The following FGF1 variants were observed in gnomAD, a reference collection of about 807,000 sequenced individuals.
The protein encoded by FGF1 is fibroblast growth factor 1.
Under a neutral mutation model 13.4 loss-of-function variants are expected in FGF1, and 9 were observed. The observed-to-expected ratio is 0.67, with a 90% CI of 0.40 to 1.17. The LOEUF (loss-of-function observed/expected upper bound fraction) is 1.17. FGF1 is among the 50% of genes most tolerant of loss of function. FGF1 has a pLI of 0.01. For synonymous variants in FGF1, 93 were observed against 79.0 expected (o/e 1.18, Z -0.94); for missense variants, 156 against 192.7 (o/e 0.81, Z 1.13).
rs200073265 is a variant in FGF1 at position 142,614,002 on chromosome 5, C to A, written c.126G>T (p.Pro42=). The A allele has an allele frequency of 1.2e-6, 2 of 1,614,100 alleles. No individual in the cohort carries two copies. The highest frequency in any genetic ancestry group is 4.5e-5 in the East Asian group (2 of 44,872). The change falls in exon 2 of 4, where the codon CCG becomes CCT. Residue 42 remains proline (P), a synonymous_variant. Transcript: ENST00000337706. ...CCCTTGTCCCATCCACTGTGCCATC[C>A]GGAAGGATCCTCAGGAAGTGGCCCC... ...SNGGHFLRIL[P]DGTVDGTRDR... is the part of the protein sequence containing the mutation.
chr5:142,675,483 A>T lies in FGF1; in HGVS notation c.-35+10474T>A, dbSNP rs116526688. 4.9e-3 allele frequency among the ~76,000 whole-genome samples: 745 copies of T among 152,248 alleles called. 5 individuals are homozygous for T. Among genetic ancestry groups the T allele is most frequent in the Non-Finnish European group, 7.8e-3 (528 of 68,002 alleles). Reference sequence around the variant, plus strand: ...AAGGGAATATTCTCAGACCTCGAAAACATTGATCACCACTGGGTTTTTCCA... The same window carrying T: ...AAGGGAATATTCTCAGACCTCGAAATCATTGATCACCACTGGGTTTTTCCA... On this transcript the variant is annotated intron_variant, in intron 1 of 3. Transcript: ENST00000337706.
At chr5:142,643,502 C>T (rs746035702) in intron 1 of FGF1, among the ~76,000 whole-genome samples, 7 of 152,220 alleles carry the variant, frequency 4.6e-5, no homozygotes, top group South Asian at 2.1e-4. Context: ...TTGCTGCAAC[C>T]TAGGAGGCAA....
intron 1 of FGF1, among the ~76,000 whole-genome samples, chr5:142,618,663 A>T (rs1760741392): frequency 6.6e-6 from 1 of 152,194 alleles, no homozygotes; most frequent in African/African-American, 2.4e-5. Context: ...TAAGCCACAA[A>T]CATAGCAGAG....
chr5:142,653,256 A>T (rs1767568997), intron 1 of FGF1, among the ~76,000 whole-genome samples: 1 of 152,154 alleles, frequency 6.6e-6, no homozygotes, highest in South Asian at 2.1e-4. Context: ...CCTGGCGAGG[A>T]TGACGAGGGG....
At chr5:142,614,864 C>G (rs1759875387) in intron 1 of FGF1, among the ~76,000 whole-genome samples, 1 of 152,132 alleles carries the variant, frequency 6.6e-6, no homozygotes, top group Non-Finnish European at 1.5e-5. Context: ...ATGCCTGGTT[C>G]CTGCCCATTC....
chr5:142,680,562 G>A (rs1179286396), intron 1 of FGF1: 1 of 144,296 alleles, frequency 6.9e-6, no homozygotes, highest in Non-Finnish European at 1.6e-5. Context: ...TAAAATGTGG[G>A]TAAAATAGTA....
chr5:142,683,901 C>T (rs1774197733), intron 1 of FGF1, among the ~76,000 whole-genome samples: 1 of 151,310 alleles, frequency 6.6e-6, no homozygotes, highest in Non-Finnish European at 1.5e-5. Context: ...GAGCACATCT[C>T]CCCATGATCT....
intron 1 of FGF1, among the ~76,000 whole-genome samples, chr5:142,683,835 A>G (rs2152056997): frequency 6.9e-6 from 1 of 144,982 alleles, no homozygotes; most frequent in Admixed American, 7.0e-5. Flanking sequence ...AAAAAAAAAA[A>G]AAAAAAAAGG....
At chr5:142,616,359 G>A (rs565693168) in intron 1 of FGF1, among the ~76,000 whole-genome samples, 7 of 152,194 alleles carry the variant, frequency 4.6e-5, no homozygotes, top group Non-Finnish European at 7.4e-5. Context: ...AGAGAATTTC[G>A]CAAATACCAT....
rs199868585 is a variant in FGF1 at position 142,619,128 on chromosome 5, G to A, written c.-34-4967C>T. On this transcript the variant is annotated intron_variant, in intron 1 of 3. Transcript: ENST00000337706. The stretch of plus-strand genomic sequence containing the variant: ...TTTTTGTATTTTTAGTAGAGACGGG[G>A]TTTCACCGTGTTAGCCAAGATGGTC... Among the ~76,000 whole-genome samples, 61 of 151,958 alleles carry A rather than the reference G, an allele frequency of 4.0e-4. 1 individual carries two copies. The East Asian group carries it at 0.01, about 26-fold the overall frequency.
At chr5:142,683,587 G>A (rs1164873086) in intron 1 of FGF1, among the ~76,000 whole-genome samples, 1 of 151,972 alleles carries the variant, frequency 6.6e-6, no homozygotes, top group Non-Finnish European at 1.5e-5. Context: ...AGCACTTTGG[G>A]AGGCCGGTTG....
chr5:142,661,259 T>A (rs530923928), intron 1 of FGF1, among the ~76,000 whole-genome samples: 1 of 152,224 alleles, frequency 6.6e-6, no homozygotes, highest in African/African-American at 2.4e-5. Context: ...TCAACCCCAT[T>A]TGCCACCAGG....
chr5:142,634,618 A>G (rs1457812822), intron 1 of FGF1, among the ~76,000 whole-genome samples: 1 of 152,218 alleles, frequency 6.6e-6, no homozygotes, highest in East Asian at 1.9e-4. Context: ...GCAAAGATCA[A>G]ATTTGATAAT....
intron 1 of FGF1, among the ~76,000 whole-genome samples, chr5:142,660,973 A>G (rs923397388): frequency 2.0e-5 from 3 of 152,224 alleles, no homozygotes; most frequent in Admixed American, 1.3e-4. Flanking sequence ...GAGGCTCCAA[A>G]TGGAACATGG....
chr5:142,695,514 G>C (rs967290927), intron 2 of FGF1, among the ~76,000 whole-genome samples: 5 of 150,476 alleles, frequency 3.3e-5, no homozygotes, highest in African/African-American at 1.2e-4. Context: ...CCTGGGAGGC[G>C]GAGGTTGCAG....
chr5:142,645,665 G>T (rs890101759), intron 1 of FGF1, among the ~76,000 whole-genome samples: 1 of 152,096 alleles, frequency 6.6e-6, no homozygotes, highest in Non-Finnish European at 1.5e-5. Context: ...CATTCAGTAG[G>T]GTGACAGCTG....
chr5:142,605,186 C>T (rs1246578395), intron 2 of FGF1, among the ~76,000 whole-genome samples: 1 of 151,964 alleles, frequency 6.6e-6, no homozygotes, highest in Non-Finnish European at 1.5e-5. Context: ...CAGCTCACTG[C>T]AACCTCCACC....
intron 1 of FGF1, among the ~76,000 whole-genome samples, chr5:142,652,415 G>T (rs756096935): frequency 7.2e-5 from 11 of 152,182 alleles, no homozygotes; most frequent in Non-Finnish European, 5.9e-5. Context: ...GGACCTAGAA[G>T]CCTTGGGTGA....
At chr5:142,659,398 T>G (rs1428158116) in intron 1 of FGF1, among the ~76,000 whole-genome samples, 2 of 152,006 alleles carry the variant, frequency 1.3e-5, no homozygotes, top group Non-Finnish European at 2.9e-5. Flanking sequence ...CCAGCTAATT[T>G]TTGTATTTTT....
Sources: allele counts gnomAD v4.1 joint callset (sites outside exome capture counted in the v4.1 genomes callset), GRCh38; gene constraint gnomAD v4.1.1; transcripts MANE v1.5; gene names NCBI Gene and HGNC (gene_info 2026-07-23, HGNC 2026-07-21).